ENOX1: variants seen among roughly 807,000 people sequenced by gnomAD.
ENOX1 encodes ecto-NOX disulfide-thiol exchanger 1.
ENOX1 carries 42 observed loss-of-function variants against 82.5 expected under a neutral mutation model. That is an observed-to-expected ratio of 0.51 (90% confidence interval 0.40 to 0.66). The LOEUF is 0.66. ENOX1 is among the 30% of genes least tolerant of loss of function. ENOX1 has a pLI of 0.00. For missense variants in ENOX1, 608 were observed against 811.6 expected (o/e 0.75, Z 3.05); for synonymous variants, 271 against 282.2 (o/e 0.96, Z 0.40).
intron 11 of ENOX1, among the ~76,000 whole-genome samples, chr13:43,317,057 A>G (rs1461448430): frequency 6.6e-6 from 1 of 152,144 alleles, no homozygotes; most frequent in East Asian, 1.9e-4. Context: ...ACATGTGAAA[A>G]CAGCTTATCC....
chr13:43,324,290 C>A (rs9590755), intron 10 of ENOX1, among the ~76,000 whole-genome samples: 3 of 151,664 alleles, frequency 2.0e-5, no homozygotes, highest in Non-Finnish European at 2.9e-5. Context: ...TTAGTCCCTG[C>A]GATTAATGAC....
intron 16 of ENOX1, among the ~76,000 whole-genome samples, chr13:43,216,934 CTT>C (rs2041519776): frequency 6.6e-6 from 1 of 152,198 alleles, no homozygotes; most frequent in African/African-American, 2.4e-5. Context: ...CACCAGGAAA[CTT>C]TTCCTTGCCA....
chr13:43,542,971 C>T (rs557167008), intron 2 of ENOX1, among the ~76,000 whole-genome samples: 14 of 152,200 alleles, frequency 9.2e-5, no homozygotes, highest in East Asian at 3.9e-4. Flanking sequence ...ATGAGGGCTC[C>T]GGCTACGTGA....
chr13:43,780,678 A>G (rs1952205007), intron 1 of ENOX1, among the ~76,000 whole-genome samples: 1 of 152,248 alleles, frequency 6.6e-6, no homozygotes, highest in East Asian at 1.9e-4. Flanking sequence ...TTTTATTTCA[A>G]TGGCACAAAC....
Position 43,403,764 on chromosome 13 carries a change from C to T in ENOX1, c.208+8152G>A, listed in dbSNP as rs9533475. ...GCTGAGGTGGAGAATCACCTGAGCC[C>T]GGGAAGTTGAAGCTGTAGTGAGCTG... On this transcript the variant is annotated intron_variant, in intron 5 of 16. Coordinates refer to ENST00000690772, the MANE Select transcript of ENOX1 (RefSeq NM_001347969.2). Among the ~76,000 whole-genome samples the T allele has an allele frequency of 1.7e-3, 258 of 151,706 alleles. 1 individual carries two copies. Among genetic ancestry groups the T allele is most frequent in the Middle Eastern group, 3.4e-3 (1 of 294 alleles).
At chr13:43,540,253 C>A (rs1008395468) in intron 2 of ENOX1, among the ~76,000 whole-genome samples, 15 of 152,184 alleles carry the variant, frequency 9.9e-5, no homozygotes, top group African/African-American at 3.1e-4. Flanking sequence ...GTTTTTTTCC[C>A]TAACACTATT....
chr13:43,622,101 T>C (rs1021432167), intron 2 of ENOX1, among the ~76,000 whole-genome samples: 3 of 152,196 alleles, frequency 2.0e-5, no homozygotes, highest in South Asian at 2.1e-4. Context: ...TTTGATTTTG[T>C]TTTCCTTTAA....
intron 1 of ENOX1, among the ~76,000 whole-genome samples, chr13:43,763,575 T>C (rs951907387): frequency 4.6e-5 from 7 of 152,298 alleles, no homozygotes; most frequent in African/African-American, 1.7e-4. Context: ...ATCAACTAGT[T>C]GCTTCAGTGT....
intron 12 of ENOX1, among the ~76,000 whole-genome samples, chr13:43,277,532 G>C (rs987582976): frequency 6.6e-6 from 1 of 152,164 alleles, no homozygotes; most frequent in Non-Finnish European, 1.5e-5. Context: ...CTTCTCATGG[G>C]GGTGCCTGAG....
intron 14 of ENOX1, among the ~76,000 whole-genome samples, chr13:43,249,332 C>T (rs547986745): frequency 6.6e-6 from 1 of 152,140 alleles, no homozygotes; most frequent in Non-Finnish European, 1.5e-5. Context: ...AAAATGTAAC[C>T]CACACTGCTA....
intron 2 of ENOX1, among the ~76,000 whole-genome samples, chr13:43,606,441 C>A (rs550988087): frequency 6.0e-4 from 92 of 152,194 alleles, no homozygotes; most frequent in African/African-American, 2.1e-3. Flanking sequence ...TGGGGTACAT[C>A]TACACAAGGA....
At chr13:43,756,175 C>T (rs747039660) in intron 1 of ENOX1, among the ~76,000 whole-genome samples, 10 of 152,030 alleles carry the variant, frequency 6.6e-5, no homozygotes, top group Non-Finnish European at 1.5e-4. Context: ...TGCCTGTAAT[C>T]CCAGCACTTG....
intron 3 of ENOX1, among the ~76,000 whole-genome samples, chr13:43,474,558 T>C (rs1286552782): frequency 6.6e-6 from 1 of 152,230 alleles, no homozygotes; most frequent in East Asian, 1.9e-4. Flanking sequence ...AATTTTGCTT[T>C]GCAGTTTCTG....
intron 2 of ENOX1, among the ~76,000 whole-genome samples, chr13:43,618,519 T>C (rs993355040): frequency 6.6e-6 from 1 of 152,220 alleles, no homozygotes; most frequent in Non-Finnish European, 1.5e-5. Context: ...TTTATGTTTT[T>C]GTTTGCCTTG....
At chr13:43,231,194 C>A (rs779905758) in intron 15 of ENOX1, among the ~76,000 whole-genome samples, 9 of 152,182 alleles carry the variant, frequency 5.9e-5, no homozygotes, top group Non-Finnish European at 1.2e-4. Flanking sequence ...GACCATAAAC[C>A]AGCCTGAAAT....
intron 2 of ENOX1, among the ~76,000 whole-genome samples, chr13:43,509,146 G>C (rs1394821906): frequency 6.6e-6 from 1 of 151,930 alleles, no homozygotes; most frequent in Non-Finnish European, 1.5e-5. Context: ...TTTTAGAACA[G>C]ATGACAAAAT....
At chr13:43,455,147 A>G (rs2057167776) in intron 3 of ENOX1, among the ~76,000 whole-genome samples, 1 of 152,168 alleles carries the variant, frequency 6.6e-6, no homozygotes. Flanking sequence ...TTGAGACCTC[A>G]TGTGTCTGAA....
At chr13:43,367,791 G>C (rs1404671156) in intron 5 of ENOX1, among the ~76,000 whole-genome samples, 2 of 152,114 alleles carry the variant, frequency 1.3e-5, no homozygotes, top group African/African-American at 4.8e-5. Flanking sequence ...CCTGGAGGGG[G>C]TGACAGCTGA....
chr13:43,365,191 G>C (rs1397557632), intron 5 of ENOX1, among the ~76,000 whole-genome samples: 3 of 152,184 alleles, frequency 2.0e-5, no homozygotes, highest in African/African-American at 7.2e-5. Context: ...CCTCAGTTAA[G>C]AGTCTCATAT....
Sources: allele counts gnomAD v4.1 joint callset (sites outside exome capture counted in the v4.1 genomes callset), GRCh38; gene constraint gnomAD v4.1.1; transcripts MANE v1.5; gene names NCBI Gene and HGNC (gene_info 2026-07-23, HGNC 2026-07-21).